STRN: variants seen among roughly 807,000 people sequenced by gnomAD.
STRN encodes protein phosphatase 2 regulatory subunit B'''alpha.
A neutral mutation model predicts 96.3 loss-of-function variants in STRN; 53 were observed. That is an observed-to-expected ratio of 0.55 (90% CI 0.44 to 0.69). STRN has a LOEUF of 0.69. Among genes scored for constraint, STRN ranks in the 30% least tolerant of loss-of-function variants. STRN has a pLI of 0.00. For synonymous variants in STRN, 428 were observed against 355.9 expected (o/e 1.20, Z -2.28); for missense variants, 987 against 963.9 (o/e 1.02, Z -0.32).
intron 12 of STRN, among the ~76,000 whole-genome samples, chr2:36,863,602 T>C (rs970284185): frequency 5.3e-5 from 8 of 152,216 alleles, no homozygotes; most frequent in African/African-American, 1.9e-4. Flanking sequence ...AGTCAGGTAA[T>C]GTGATGCCTC....
rs1478666313 is a variant in STRN at position 36,841,275 on chromosome 2, A to G, written c.*8181T>C. On this transcript the variant is annotated 3_prime_UTR_variant, in exon 18 of 18. Transcript: ENST00000263918. ...TCTGAATGTTTCAGAGTTGGGAGAA[A>G]GCCTGATTCCTTCTGACCCTGAGAT... 3.3e-5 allele frequency: 5 copies of G among 152,088 alleles called. No individual in the cohort carries two copies. Among genetic ancestry groups the G allele is most frequent in the Admixed American group, 3.3e-4 (5 of 15,240 alleles). The allele number at this position is 152,088 out of a possible 1,614,324, so 9.4% of individuals were successfully genotyped here. A position where few individuals can be genotyped will look rare whatever the true frequency, so the allele number is the denominator to read the frequency against.
chr2:36,947,116 T>C (rs181570426), intron 1 of STRN, among the ~76,000 whole-genome samples: 143 of 152,246 alleles, frequency 9.4e-4, no homozygotes, highest in Non-Finnish European at 1.7e-3. Flanking sequence ...CAGGATGGTC[T>C]CCATCTCCTG....
chr2:36,886,949 T>C, intron 7 of STRN, 123 bp from the exon 8 acceptor site: 1 of 622,186 alleles, frequency 1.6e-6, no homozygotes, highest in Non-Finnish European at 2.6e-6. Context: ...AAAAAGTCAG[T>C]TTATTCATTT....
intron 1 of STRN, among the ~76,000 whole-genome samples, chr2:36,946,550 A>G (rs985001322): frequency 2.6e-5 from 4 of 152,240 alleles, no homozygotes; most frequent in African/African-American, 9.6e-5. Flanking sequence ...CGCAAGCTCA[A>G]TAAAAATCCC....
chr2:36,862,064 C>T (rs1331226299), intron 12 of STRN, among the ~76,000 whole-genome samples: 1 of 152,110 alleles, frequency 6.6e-6, no homozygotes, highest in Non-Finnish European at 1.5e-5. Flanking sequence ...TTAAGATGGT[C>T]TTCAGTTCCA....
intron 10 of STRN, among the ~76,000 whole-genome samples, chr2:36,875,237 C>T (rs986888250): frequency 6.6e-6 from 1 of 152,056 alleles, no homozygotes; most frequent in Non-Finnish European, 1.5e-5. Context: ...CAGCCAGGCA[C>T]GATGGCTCAT....
chr2:36,873,761 G>A (rs1269727029), intron 10 of STRN, among the ~76,000 whole-genome samples: 1 of 151,720 alleles, frequency 6.6e-6, no homozygotes, highest in Non-Finnish European at 1.5e-5. Context: ...TGACCAACAC[G>A]GTGAAACCCT....
chr2:36,840,516 T>A lies in STRN; in HGVS notation c.*8940A>T, dbSNP rs575053901. The A allele has an allele frequency of 6.7e-6, 1 of 150,178 alleles. No individual in the cohort carries two copies. The highest frequency in any genetic ancestry group is 2.4e-5 in the African/African-American group (1 of 41,042). The allele number at this position is 150,178 out of a possible 1,614,324, so 9.3% of individuals were successfully genotyped here. ...GATAAGCTCCACAGAACCAAATGCA[T>A]TTGAGCATCAACTGTCAAGAGATTT... On this transcript the variant is annotated 3_prime_UTR_variant, in exon 18 of 18. Coordinates refer to ENST00000263918, the MANE Select transcript of STRN (RefSeq NM_003162.4).
chr2:36,900,510 G>A (rs922211700), intron 5 of STRN, among the ~76,000 whole-genome samples: 6 of 152,052 alleles, frequency 3.9e-5, no homozygotes, highest in African/African-American at 1.2e-4. Context: ...TACTAGACTC[G>A]ACCCTGTTGA....
chr2:36,905,986 A>G (rs1389775089), intron 3 of STRN, among the ~76,000 whole-genome samples: 1 of 152,206 alleles, frequency 6.6e-6, no homozygotes, highest in Non-Finnish European at 1.5e-5. Context: ...AATAATAACA[A>G]TAATTGAACA....
chr2:36,877,324 G>T (rs181968373), intron 10 of STRN, among the ~76,000 whole-genome samples: 361 of 152,224 alleles, frequency 2.4e-3, no homozygotes, highest in Non-Finnish European at 3.7e-3. Context: ...TTTGGTAATG[G>T]AAAAAGGAAT....
chr2:36,900,186 G>A (rs138926838), intron 5 of STRN, among the ~76,000 whole-genome samples: 55 of 152,166 alleles, frequency 3.6e-4, no homozygotes, highest in Admixed American at 1.8e-3. Flanking sequence ...TGAGCCACTC[G>A]TATCTATTTA....
chr2:36,878,970 C>T (rs1168838180), intron 9 of STRN, among the ~76,000 whole-genome samples: 3 of 151,824 alleles, frequency 2.0e-5, no homozygotes, highest in African/African-American at 7.3e-5. Context: ...CCAGGCTGGT[C>T]GTGAACTCCT....
intron 3 of STRN, among the ~76,000 whole-genome samples, chr2:36,914,825 T>C (rs751857265): frequency 6.6e-6 from 1 of 152,186 alleles, no homozygotes; most frequent in Non-Finnish European, 1.5e-5. Flanking sequence ...TCTCTGAGTT[T>C]AAATTTCACA....
chr2:36,891,079 T>C (rs1248241845), intron 7 of STRN, among the ~76,000 whole-genome samples: 1 of 152,240 alleles, frequency 6.6e-6, no homozygotes, highest in Non-Finnish European at 1.5e-5. Context: ...AAATCCAAAA[T>C]GCTCCAATGC....
chr2:36,942,437 C>T (rs753289876), intron 1 of STRN, among the ~76,000 whole-genome samples: 2 of 152,122 alleles, frequency 1.3e-5, no homozygotes, highest in Non-Finnish European at 2.9e-5. Flanking sequence ...GATATTCATT[C>T]CACTATAATT....
intron 2 of STRN, among the ~76,000 whole-genome samples, chr2:36,917,549 A>G (rs1473462100): frequency 6.6e-6 from 1 of 151,424 alleles, no homozygotes; most frequent in Non-Finnish European, 1.5e-5. Context: ...AAAAAAAAAA[A>G]AAAAGAAAAA....
At chr2:36,926,639 C>A (rs1052881313) in intron 1 of STRN, among the ~76,000 whole-genome samples, 3 of 152,108 alleles carry the variant, frequency 2.0e-5, no homozygotes, top group African/African-American at 7.2e-5. Flanking sequence ...TATCTAGTCT[C>A]TTATAACTTT....
chr2:36,932,651 G>C (rs117747451), intron 1 of STRN, among the ~76,000 whole-genome samples: 4,552 of 152,106 alleles, frequency 0.03, 101 homozygotes, highest in East Asian at 0.12. Flanking sequence ...TGCCAGGTTA[G>C]GAGTACAGTG....
Sources: allele counts gnomAD v4.1 joint callset (sites outside exome capture counted in the v4.1 genomes callset), GRCh38; gene constraint gnomAD v4.1.1; transcripts MANE v1.5; gene names NCBI Gene and HGNC (gene_info 2026-07-23, HGNC 2026-07-21).